The following CDH20 variants were observed in gnomAD, a reference collection of about 807,000 sequenced individuals.
The protein encoded by CDH20 is cadherin 20, also known as cadherin-20.
CDH20 carries 29 observed loss-of-function variants against 74.2 expected under a neutral mutation model. The ratio of observed to expected loss-of-function variants is 0.39; its 90% CI spans 0.29 to 0.53. CDH20 has a LOEUF of 0.53. Among genes scored for constraint, CDH20 ranks in the 20% least tolerant of loss-of-function variants. CDH20 has a pLI of 0.69. For synonymous variants in CDH20, 469 were observed against 405.4 expected (o/e 1.16, Z -1.88); for missense variants, 988 against 1,048.3 (o/e 0.94, Z 0.79).
At chr18:61,536,801 C>T (rs999131552) in intron 8 of CDH20, among the ~76,000 whole-genome samples, 172 bp downstream of exon 8, 11 of 152,096 alleles carry the variant, frequency 7.2e-5, no homozygotes, top group Non-Finnish European at 1.3e-4. Context: ...TTTTGAGGCT[C>T]GCTTGTATAC....
At chr18:61,465,938 T>C (rs2144367956) in intron 1 of CDH20, among the ~76,000 whole-genome samples, 1 of 152,086 alleles carries the variant, frequency 6.6e-6, no homozygotes, top group South Asian at 2.1e-4. Flanking sequence ...TATAGGCCCG[T>C]AGTCTCAGCT....
Position 61,554,700 on chromosome 18 carries a change from A to G in CDH20, c.*5A>G, listed in dbSNP as rs1472252616. On this transcript the variant is annotated 3_prime_UTR_variant, in exon 12 of 12. Coordinates refer to ENST00000262717, the MANE Select transcript of CDH20 (RefSeq NM_031891.4). ...GGACCCGCGCCGCTGTGGTGACGGA[A>G]GCCAGGAGGCAGGCGCGCGTCCAAA... 2 of 1,554,448 alleles carry G rather than the reference A, an allele frequency of 1.3e-6. No individual in the cohort carries two copies. The highest frequency in any genetic ancestry group is 1.4e-5 in the African/African-American group (1 of 73,960).
chr18:61,540,901 C>T (rs1391488142), intron 9 of CDH20, among the ~76,000 whole-genome samples: 2 of 152,194 alleles, frequency 1.3e-5, no homozygotes, highest in Non-Finnish European at 1.5e-5. Flanking sequence ...TGTTCCATCA[C>T]GATTCTGATC....
intron 1 of CDH20, among the ~76,000 whole-genome samples, chr18:61,453,133 A>G (rs1391488368): frequency 6.6e-6 from 1 of 152,026 alleles, no homozygotes; most frequent in African/African-American, 2.4e-5. Flanking sequence ...CCTTTATGTT[A>G]CCCTTTTATA....
At chr18:61,511,508 T>C (rs116081268) in intron 6 of CDH20, among the ~76,000 whole-genome samples, 13 of 152,256 alleles carry the variant, frequency 8.5e-5, no homozygotes, top group African/African-American at 3.1e-4. Context: ...GTACGAAAAC[T>C]CTATTCAAAC....
At chr18:61,401,015 C>T (rs1006614208) in intron 1 of CDH20, among the ~76,000 whole-genome samples, 1 of 152,170 alleles carries the variant, frequency 6.6e-6, no homozygotes, top group Non-Finnish European at 1.5e-5. Flanking sequence ...TGATCTAATG[C>T]GTTGAAGGGC....
chr18:61,554,092 GCC>G, intron 11 of CDH20, 96 bp from the exon 12 acceptor site: 3 of 1,430,696 alleles, frequency 2.1e-6, no homozygotes, highest in Non-Finnish European at 9.5e-7. Context: ...CCACTCGGTA[GCC>G]CTTCCCCTAT....
At chr18:61,441,577 A>G (rs1314883610) in intron 1 of CDH20, among the ~76,000 whole-genome samples, 1 of 152,172 alleles carries the variant, frequency 6.6e-6, no homozygotes, top group Admixed American at 6.5e-5. Context: ...ATAGTAAGAC[A>G]AAGAAAAAAA....
intron 1 of CDH20, among the ~76,000 whole-genome samples, chr18:61,405,852 G>A (rs567074433): frequency 2.4e-4 from 37 of 152,318 alleles, no homozygotes; most frequent in African/African-American, 7.2e-4. Flanking sequence ...GAAACACTGC[G>A]TTAAGCCTTC....
chr18:61,528,481 A>ACACACACACACACACACACACACC (rs755504850), intron 7 of CDH20, among the ~76,000 whole-genome samples: 7 of 149,318 alleles, frequency 4.7e-5, no homozygotes, highest in South Asian at 4.3e-4. Context: ...ACACACACAC[A>ACACACACACACACACACACACACC]CCCCTTAGTT....
At chr18:61,359,662 C>A (rs112301971) in intron 1 of CDH20, among the ~76,000 whole-genome samples, 6,131 of 152,286 alleles carry the variant, frequency 0.04, 178 homozygotes, top group Non-Finnish European at 0.054. Flanking sequence ...AGTTGTCTCC[C>A]ATCCCTGGGG....
At chr18:61,533,671 G>A (rs1398177270) in intron 7 of CDH20, among the ~76,000 whole-genome samples, 1 of 152,088 alleles carries the variant, frequency 6.6e-6, no homozygotes, top group Non-Finnish European at 1.5e-5. Flanking sequence ...GTGCTTTTGG[G>A]GTCATATCCA....
At chr18:61,510,980 C>CTTTCT (rs1555681953) in intron 6 of CDH20, among the ~76,000 whole-genome samples, 5 of 136,006 alleles carry the variant, frequency 3.7e-5, no homozygotes, top group Non-Finnish European at 6.2e-5. Flanking sequence ...TTCTTTCTTT[C>CTTTCT]TTTTTTTTTT....
At chr18:61,417,041 A>G (rs1017788835) in intron 1 of CDH20, among the ~76,000 whole-genome samples, 4 of 152,240 alleles carry the variant, frequency 2.6e-5, no homozygotes, top group Non-Finnish European at 5.9e-5. Flanking sequence ...GCACTGAAAG[A>G]GAAAATAACT....
At chr18:61,415,265 A>G (rs1418529116) in intron 1 of CDH20, among the ~76,000 whole-genome samples, 1 of 152,194 alleles carries the variant, frequency 6.6e-6, no homozygotes, top group Non-Finnish European at 1.5e-5. Context: ...CCTTTTTAAA[A>G]TATATATTTT....
intron 1 of CDH20, among the ~76,000 whole-genome samples, chr18:61,456,887 CAG>C (rs1909589482): frequency 6.6e-6 from 1 of 152,150 alleles, no homozygotes; most frequent in Admixed American, 6.5e-5. Flanking sequence ...ATGGTTGAGA[CAG>C]AAATCATCTC....
intron 1 of CDH20, among the ~76,000 whole-genome samples, chr18:61,375,092 C>T (rs1478230986): frequency 6.6e-6 from 1 of 152,062 alleles, no homozygotes; most frequent in African/African-American, 2.4e-5. Flanking sequence ...ATTCCCATCC[C>T]TATTCATCAG....
chr18:61,333,931 C>G (rs1909655680), intron 1 of CDH20, 104 bp downstream of exon 1: 1 of 152,356 alleles, frequency 6.6e-6, no homozygotes, highest in Non-Finnish European at 1.5e-5. Flanking sequence ...TGCGCGGTCC[C>G]TCTCCGCGCT....
intron 1 of CDH20, among the ~76,000 whole-genome samples, chr18:61,431,500 T>C (rs1263171139): frequency 1.3e-5 from 2 of 152,190 alleles, no homozygotes; most frequent in Admixed American, 6.5e-5. Flanking sequence ...TATTTGTTCA[T>C]TGGTTCTAAT....
Sources: gnomAD v4.1 joint callset for allele counts (sites outside exome capture counted in the v4.1 genomes callset) on GRCh38, gnomAD v4.1.1 for gene constraint, MANE v1.5 for transcripts, NCBI Gene and HGNC (gene_info 2026-07-23, HGNC 2026-07-21) for gene names.